The following DNER variants were observed in gnomAD, a reference collection of about 807,000 sequenced individuals.
DNER encodes delta/notch like EGF repeat containing.
Under a neutral mutation model 78.2 loss-of-function variants are expected in DNER, and 33 were observed. That is an observed-to-expected ratio of 0.42 (90% CI 0.32 to 0.56). The LOEUF (loss-of-function observed/expected upper bound fraction) is 0.56. DNER is among the 20% of genes least tolerant of loss of function. The probability of loss-of-function intolerance (pLI) is 0.11; values close to 1 mark genes in which losing one functional copy is unlikely to be tolerated. For synonymous variants in DNER, 417 were observed against 384.8 expected, an observed-to-expected ratio of 1.08 and a Z score of -0.98; for missense variants, 918 against 975.3, an observed-to-expected ratio of 0.94 and a Z score of 0.78.
At chr2:229,445,332 A>T (rs1694318148) in intron 8 of DNER, among the ~76,000 whole-genome samples, 1 of 152,200 alleles carries the variant, frequency 6.6e-6, no homozygotes, top group Non-Finnish European at 1.5e-5. Flanking sequence ...CCTGGCTCTG[A>T]AGGAGAGCAT....
intron 5 of DNER, among the ~76,000 whole-genome samples, 163 bp downstream of exon 5, chr2:229,546,784 G>A (rs1696633327): frequency 6.8e-6 from 1 of 147,228 alleles, no homozygotes; most frequent in African/African-American, 2.6e-5. Context: ...CAGACAGATA[G>A]ACAGATAGAT....
At chr2:229,672,624 G>C (rs1699229489) in intron 1 of DNER, among the ~76,000 whole-genome samples, 1 of 151,678 alleles carries the variant, frequency 6.6e-6, no homozygotes, top group South Asian at 2.1e-4. Context: ...GAGAAGAAGA[G>C]AAAGAGAGAA....
At chr2:229,569,910 C>A (rs938651695) in intron 4 of DNER, among the ~76,000 whole-genome samples, 1 of 152,000 alleles carries the variant, frequency 6.6e-6, no homozygotes, top group Non-Finnish European at 1.5e-5. Flanking sequence ...ATGTATTCTA[C>A]GAAATATGAT....
At chr2:229,393,591 T>C (rs1693065776) in intron 10 of DNER, among the ~76,000 whole-genome samples, 1 of 152,114 alleles carries the variant, frequency 6.6e-6, no homozygotes, top group Non-Finnish European at 1.5e-5. Context: ...CTCACACCTG[T>C]AATCCCAGCA....
intron 5 of DNER, among the ~76,000 whole-genome samples, chr2:229,522,011 T>A (rs1370596577): frequency 1.3e-5 from 2 of 152,182 alleles, no homozygotes; most frequent in Admixed American, 6.5e-5. Flanking sequence ...TTGCAAATGT[T>A]GTAGCTTATT....
intron 1 of DNER, among the ~76,000 whole-genome samples, chr2:229,617,031 G>T (rs865940319): frequency 6.6e-6 from 1 of 152,140 alleles, no homozygotes; most frequent in African/African-American, 2.4e-5. Flanking sequence ...ATGAAAAGCC[G>T]GGATTTCAAC....
chr2:229,475,193 T>C (rs1311136583), intron 7 of DNER, among the ~76,000 whole-genome samples: 1 of 152,158 alleles, frequency 6.6e-6, no homozygotes, highest in Non-Finnish European at 1.5e-5. Context: ...AACACCAAGA[T>C]GCAGGGAGGT....
At chr2:229,538,239 C>T (rs1001683596) in intron 5 of DNER, among the ~76,000 whole-genome samples, 1 of 152,228 alleles carries the variant, frequency 6.6e-6, no homozygotes, top group African/African-American at 2.4e-5. Context: ...AGCAAATAAA[C>T]ATATCTCAGA....
Position 229,591,970 on chromosome 2 carries a change from G to A in DNER, c.277-82C>T. The A allele has an allele frequency of 2.1e-6, 3 of 1,425,634 alleles. No individual in the cohort carries two copies. Among genetic ancestry groups the A allele is most frequent in the South Asian group, 3.0e-5 (2 of 67,464 alleles). 88.3% of individuals were successfully genotyped at this position (1,425,634 alleles called of 1,614,324 possible). On this transcript the variant is annotated intron_variant, in intron 1 of 12. Transcript: ENST00000341772. This position sits in a 1 kb window ranked among gnomAD's most constrained non-coding sequence, Gnocchi z 4.6. ...GCTGGGAAATTAGCTCTGTGTCTCAGAGCGACTGCTGTAATGGAAATGCTG... is the reference window on the plus strand; with the variant it reads ...GCTGGGAAATTAGCTCTGTGTCTCAAAGCGACTGCTGTAATGGAAATGCTG...
intron 10 of DNER, among the ~76,000 whole-genome samples, chr2:229,404,116 G>A (rs1225654551): frequency 6.6e-6 from 1 of 152,158 alleles, no homozygotes; most frequent in East Asian, 1.9e-4. Flanking sequence ...AGGCAGCATG[G>A]TGCTGACTCT....
intron 1 of DNER, among the ~76,000 whole-genome samples, chr2:229,661,117 A>G (rs562719205): frequency 8.3e-4 from 127 of 152,278 alleles, no homozygotes; most frequent in Non-Finnish European, 1.6e-3. Context: ...TTTACTGATG[A>G]CTCATAAGCA....
intron 4 of DNER, among the ~76,000 whole-genome samples, chr2:229,549,168 C>G (rs909090772): frequency 6.6e-6 from 1 of 152,118 alleles, no homozygotes; most frequent in Non-Finnish European, 1.5e-5. Context: ...GGAAAAGGAT[C>G]CGGGGAAATA....
chr2:229,582,735 G>T (rs1423529791), intron 4 of DNER, among the ~76,000 whole-genome samples: 1 of 152,094 alleles, frequency 6.6e-6, no homozygotes, highest in Non-Finnish European at 1.5e-5. Flanking sequence ...CGCCTCCCGG[G>T]TTCACACCAT....
intron 4 of DNER, chr2:229,580,221 T>C (rs1266087843): frequency 6.6e-6 from 1 of 152,140 alleles, no homozygotes; most frequent in African/African-American, 2.4e-5. Flanking sequence ...CTGCAAATTG[T>C]TGATTTCCAG....
intron 8 of DNER, among the ~76,000 whole-genome samples, chr2:229,428,194 A>G (rs1693925544): frequency 6.7e-6 from 1 of 149,164 alleles, no homozygotes; most frequent in African/African-American, 2.6e-5. Context: ...CATTTCAGAG[A>G]GATTGCTCCA....
chr2:229,594,974 AAAAAAAAAAAAAAACT>A (rs1697682216), intron 1 of DNER, among the ~76,000 whole-genome samples: 1 of 120,808 alleles, frequency 8.3e-6, no homozygotes, highest in African/African-American at 4.2e-5. Context: ...AAAAAAAAAA[AAAAAAAAAAAAAAACT>A]CTAAATCTGT....
At chr2:229,517,059 C>T (rs1161524105) in intron 5 of DNER, among the ~76,000 whole-genome samples, 4 of 141,712 alleles carry the variant, frequency 2.8e-5, no homozygotes, top group South Asian at 4.4e-4. Flanking sequence ...TGCAGTGAGC[C>T]GAGATCGCGC....
chr2:229,413,983 A>G (rs915066618), intron 9 of DNER, among the ~76,000 whole-genome samples: 6 of 152,014 alleles, frequency 3.9e-5, no homozygotes, highest in African/African-American at 1.4e-4. Context: ...ATATGTAAAT[A>G]TATATTGGCA....
chr2:229,606,631 A>G (rs924024965), intron 1 of DNER, among the ~76,000 whole-genome samples: 5 of 152,186 alleles, frequency 3.3e-5, no homozygotes, highest in African/African-American at 1.2e-4. Flanking sequence ...AGTGGCTCAC[A>G]TCTGTAATCC....
Sources: gnomAD v4.1 joint callset for allele counts (sites outside exome capture counted in the v4.1 genomes callset) on GRCh38, gnomAD v4.1.1 for gene constraint, Gnocchi (gnomAD v3.1) non-coding constraint, MANE v1.5 for transcripts, NCBI Gene and HGNC (gene_info 2026-07-23, HGNC 2026-07-21) for gene names.